The following SLC39A11 variants were observed in gnomAD, a reference collection of about 807,000 sequenced individuals.
SLC39A11 encodes the protein solute carrier family 39 member 11.
A neutral mutation model predicts 36.1 loss-of-function variants in SLC39A11; 33 were observed. The observed-to-expected ratio is 0.91, with a 90% CI of 0.69 to 1.22. The LOEUF is 1.22. Among genes scored for constraint, SLC39A11 ranks in the 50% most tolerant of loss-of-function variants. The probability of loss-of-function intolerance (pLI) is 0.00; values close to 1 mark genes in which losing one functional copy is unlikely to be tolerated. For missense variants in SLC39A11, 432 were observed against 430.3 expected, an observed-to-expected ratio of 1.00 and a Z score of -0.03; for synonymous variants, 166 against 170.3, an observed-to-expected ratio of 0.97 and a Z score of 0.20.
intron 3 of SLC39A11, chr17:73,068,095 A>G (rs2060050261): frequency 3.5e-6 from 5 of 1,426,028 alleles, no homozygotes; most frequent in Non-Finnish European, 4.9e-6. Context: ...TCATAATAGG[A>G]GTATCTCCCA....
intron 5 of SLC39A11, among the ~76,000 whole-genome samples, chr17:72,865,267 G>A (rs2080241473): frequency 1.3e-5 from 2 of 152,022 alleles, no homozygotes; most frequent in East Asian, 3.9e-4. Flanking sequence ...CACACCAGGG[G>A]CTGAAATTTT....
In SLC39A11 at chr17:72,749,290, C is replaced by CGT. The variant is rs2075060324; in HGVS notation, c.602-12572_602-12571insAC. ...CCGTGGTGTAGAAAAGCTTGCAACC[C>CGT]GGTAGCAAAGTTCCTTGACTCTGAA... On this transcript the variant is annotated intron_variant, in intron 6 of 9. Transcript: ENST00000255559. 6.6e-5 allele frequency among the ~76,000 whole-genome samples: 10 copies of CGT among 152,288 alleles called. No individual in the cohort carries two copies. The South Asian group carries it at 2.1e-3, about 32-fold the overall frequency.
chr17:72,771,416 C>T (rs1300157261), intron 6 of SLC39A11, among the ~76,000 whole-genome samples: 3 of 151,712 alleles, frequency 2.0e-5, no homozygotes, highest in African/African-American at 7.3e-5. Flanking sequence ...GAGCCATGAG[C>T]AGAGGTGTGC....
chr17:72,812,480 G>A (rs889577519), intron 6 of SLC39A11, among the ~76,000 whole-genome samples: 2 of 152,202 alleles, frequency 1.3e-5, no homozygotes, highest in African/African-American at 4.8e-5. Flanking sequence ...AAAAGAAATG[G>A]TTAGCCACAC....
At chr17:72,664,946 C>T (rs1003360225) in intron 7 of SLC39A11, among the ~76,000 whole-genome samples, 1 of 152,220 alleles carries the variant, frequency 6.6e-6, no homozygotes, top group Non-Finnish European at 1.5e-5. Context: ...GTTACTTCTA[C>T]CTTGGGGCAT....
chr17:72,747,096 T>C (rs2074970235), intron 6 of SLC39A11, among the ~76,000 whole-genome samples: 1 of 152,160 alleles, frequency 6.6e-6, no homozygotes, highest in South Asian at 2.1e-4. Flanking sequence ...CATCTATTGC[T>C]GGAGTGGACA....
chr17:72,659,485 C>T (rs1000078201), intron 7 of SLC39A11, among the ~76,000 whole-genome samples: 2 of 152,026 alleles, frequency 1.3e-5, no homozygotes, highest in Non-Finnish European at 2.9e-5. Flanking sequence ...CTTTCTCTCC[C>T]CTTCTCCAAG....
chr17:72,702,600 T>C (rs2072701185), intron 7 of SLC39A11, among the ~76,000 whole-genome samples: 1 of 151,950 alleles, frequency 6.6e-6, no homozygotes, highest in South Asian at 2.1e-4. Context: ...GCAGGAAGGG[T>C]CCATGGGAGA....
intron 3 of SLC39A11, among the ~76,000 whole-genome samples, chr17:73,038,660 T>C (rs1269320455): frequency 6.7e-6 from 1 of 149,924 alleles, no homozygotes; most frequent in Non-Finnish European, 1.5e-5. Flanking sequence ...TGAGCTGGGA[T>C]GGAGCCACTG....
intron 7 of SLC39A11, among the ~76,000 whole-genome samples, chr17:72,704,375 C>A (rs1426440059): frequency 2.0e-5 from 3 of 152,188 alleles, no homozygotes; most frequent in Admixed American, 2.0e-4. Context: ...AGGGTCCTTG[C>A]TCTAATGTGG....
In SLC39A11 at chr17:72,646,684, C is replaced by A. The variant is rs2069578078; in HGVS notation, c.*900G>T. On this transcript the variant is annotated 3_prime_UTR_variant, in exon 10 of 10. Transcript: ENST00000255559. ...TTCACTTGAGTTAACTGAAATGGCTCCTTCTTTGAGTAATTGAAGAGTTTG... is the reference window on the plus strand; with the variant it reads ...TTCACTTGAGTTAACTGAAATGGCTACTTCTTTGAGTAATTGAAGAGTTTG... 1 of 152,598 alleles carries A rather than the reference C, an allele frequency of 6.6e-6. No individual in the cohort carries two copies. Among genetic ancestry groups the A allele is most frequent in the Non-Finnish European group, 1.5e-5 (1 of 68,030 alleles). 9.5% of individuals were successfully genotyped at this position (152,598 alleles called of 1,614,324 possible). A position where few individuals can be genotyped will look rare whatever the true frequency, so the allele number is the denominator to read the frequency against.
At chr17:72,972,608 T>C (rs1271885180) in intron 4 of SLC39A11, among the ~76,000 whole-genome samples, 1 of 152,094 alleles carries the variant, frequency 6.6e-6, no homozygotes, top group Non-Finnish European at 1.5e-5. Context: ...TTTCCATCAT[T>C]ACAACCCTCC....
chr17:72,734,494 C>T (rs2074344576), intron 7 of SLC39A11, among the ~76,000 whole-genome samples: 2 of 152,118 alleles, frequency 1.3e-5, no homozygotes, highest in East Asian at 1.9e-4. Context: ...CAGAGGGTCT[C>T]GTGAGGCTGA....
chr17:72,756,755 C>G (rs2075373831), intron 6 of SLC39A11, among the ~76,000 whole-genome samples: 1 of 152,064 alleles, frequency 6.6e-6, no homozygotes, highest in Non-Finnish European at 1.5e-5. Flanking sequence ...AAAACCACAG[C>G]CTTACAAATA....
At chr17:73,088,602 C>G (rs2060819443) in intron 2 of SLC39A11, 55 bp downstream of exon 2, 2 of 1,403,148 alleles carry the variant, frequency 1.4e-6, no homozygotes, top group Admixed American at 3.7e-5. Context: ...TGGGACAGTG[C>G]CCCTTTACCA....
intron 5 of SLC39A11, among the ~76,000 whole-genome samples, chr17:72,887,021 T>C (rs1409818023): frequency 6.6e-6 from 1 of 152,210 alleles, no homozygotes; most frequent in Non-Finnish European, 1.5e-5. Flanking sequence ...TTCATCCCAG[T>C]ACCCTGCTTT....
At chr17:72,671,728 A>T (rs1411353023) in intron 7 of SLC39A11, among the ~76,000 whole-genome samples, 1 of 152,094 alleles carries the variant, frequency 6.6e-6, no homozygotes, top group Non-Finnish European at 1.5e-5. Context: ...TAAAAAAAAA[A>T]ATAGCTATAT....
intron 3 of SLC39A11, among the ~76,000 whole-genome samples, chr17:73,078,240 GAAAA>G (rs373935167): frequency 8.7e-6 from 1 of 114,770 alleles, no homozygotes; most frequent in Non-Finnish European, 1.8e-5. Context: ...TCCGTCTCAG[GAAAA>G]AAAAAAAAAA....
chr17:73,022,358 GC>G (rs1185284433), intron 4 of SLC39A11, among the ~76,000 whole-genome samples: 7 of 152,146 alleles, frequency 4.6e-5, no homozygotes, highest in Non-Finnish European at 1.0e-4. Flanking sequence ...ACTTTGAGGG[GC>G]CAAGGCGGGC....
Sources: gnomAD v4.1 joint callset for allele counts (sites outside exome capture counted in the v4.1 genomes callset) on GRCh38, gnomAD v4.1.1 for gene constraint, MANE v1.5 for transcripts, NCBI Gene and HGNC (gene_info 2026-07-23, HGNC 2026-07-21) for gene names.